The following CLIP4 variants were observed in gnomAD, a reference collection of about 807,000 sequenced individuals.
The protein encoded by CLIP4 is CAP-Gly domain-containing linker protein 4.
A neutral mutation model predicts 73.1 loss-of-function variants in CLIP4; 47 were observed. That is an observed-to-expected ratio of 0.64 (90% CI 0.51 to 0.82). The LOEUF is 0.82. Ranked by LOEUF, CLIP4 falls within the 40% of genes least tolerant of loss-of-function variation. CLIP4 has a pLI of 0.00. For synonymous variants in CLIP4, 306 were observed against 295.4 expected (o/e 1.04, Z -0.37); for missense variants, 874 against 852.9 (o/e 1.02, Z -0.31).
In CLIP4 at chr2:29,144,540, T is replaced by A. The variant is rs1295998130; in HGVS notation, c.885+595T>A. 7.2e-5 allele frequency among the ~76,000 whole-genome samples: 11 copies of A among 152,254 alleles called. No homozygotes were observed. In the East Asian group the frequency reaches 7.7e-4, roughly 11 times the overall value. On this transcript the variant is annotated intron_variant, in intron 7 of 15. Coordinates refer to ENST00000320081, the MANE Select transcript of CLIP4 (RefSeq NM_024692.6). ...GAGGTTTTCTTGTTTTTTCTTTTTT[T>A]AATTATTTTATTATACTTTAAGTTC...
chr2:29,140,721 C>G (rs2147983022), intron 6 of CLIP4, among the ~76,000 whole-genome samples: 1 of 152,288 alleles, frequency 6.6e-6, no homozygotes, highest in East Asian at 1.9e-4. Context: ...TCCTGTTTCT[C>G]CACATCCTCT....
intron 2 of CLIP4, among the ~76,000 whole-genome samples, chr2:29,128,498 GAC>G (rs556445428): frequency 2.0e-3 from 300 of 151,318 alleles, no homozygotes; most frequent in Non-Finnish European, 3.5e-3. Context: ...CTTAATCAAA[GAC>G]AGCACGAAGC....
At chr2:29,107,377 T>TGTTTTTTTTG in intron 1 of CLIP4, among the ~76,000 whole-genome samples, 1 of 129,314 alleles carries the variant, frequency 7.7e-6, no homozygotes, top group Admixed American at 7.8e-5. Context: ...TTTTTTTTTT[T>TGTTTTTTTTG]TTTTTTTTTT....
intron 2 of CLIP4, 87 bp from the exon 3 acceptor site, chr2:29,131,171 T>C: frequency 8.7e-7 from 1 of 1,155,974 alleles, no homozygotes. Context: ...ATTTGTATCA[T>C]TTGAACCTTG....
intron 8 of CLIP4, among the ~76,000 whole-genome samples, chr2:29,150,480 A>G (rs1301745712): frequency 1.3e-5 from 2 of 152,152 alleles, no homozygotes; most frequent in African/African-American, 4.8e-5. Flanking sequence ...TTATTATGAC[A>G]TTAATGACAC....
intron 1 of CLIP4, among the ~76,000 whole-genome samples, chr2:29,103,354 A>G (rs1290440431): frequency 1.3e-5 from 2 of 151,858 alleles, no homozygotes; most frequent in Non-Finnish European, 2.9e-5. Flanking sequence ...ATTTTCTCTG[A>G]TCTCCTTTTT....
At position 29,156,452 on chromosome 2, in the gene CLIP4, C is replaced by T. The variant is rs764009522; in HGVS notation, c.1255+9C>T. On this transcript the variant is annotated intron_variant, in intron 10 of 15. Coordinates refer to ENST00000320081, the MANE Select transcript of CLIP4 (RefSeq NM_024692.6). ...TGTGACAGAGAAAGATGGTAATATA[C>T]CTTGTAACCTCTGTTTCTCAAAATT... 5.2e-6 allele frequency: 8 copies of T among 1,524,008 alleles called. No homozygotes were observed. The South Asian group carries it at 8.7e-5, about 17-fold the overall frequency. 94.4% of individuals were successfully genotyped at this position (1,524,008 alleles called of 1,614,324 possible). A position where few individuals can be genotyped will look rare whatever the true frequency, so the allele number is the denominator to read the frequency against.
At chr2:29,109,572 T>C (rs1259622192) in intron 1 of CLIP4, among the ~76,000 whole-genome samples, 1 of 152,168 alleles carries the variant, frequency 6.6e-6, no homozygotes, top group Non-Finnish European at 1.5e-5. Context: ...TTAACTATAG[T>C]TATCCTACAG....
At chr2:29,116,015 C>G (rs973101394) in intron 1 of CLIP4, among the ~76,000 whole-genome samples, 2 of 152,204 alleles carry the variant, frequency 1.3e-5, no homozygotes, top group Non-Finnish European at 2.9e-5. Context: ...CCCCGAGAGT[C>G]CCCGCACGCG....
At chr2:29,143,034 A>G (rs1665881210) in intron 6 of CLIP4, among the ~76,000 whole-genome samples, 1 of 152,228 alleles carries the variant, frequency 6.6e-6, no homozygotes, top group South Asian at 2.1e-4. Flanking sequence ...AGTAGTATCA[A>G]AACCATAGTT....
At chr2:29,164,358 A>G (rs1215362708) in intron 13 of CLIP4, among the ~76,000 whole-genome samples, 1 of 152,202 alleles carries the variant, frequency 6.6e-6, no homozygotes, top group Non-Finnish European at 1.5e-5. Flanking sequence ...ACCTAATGGA[A>G]CCAAAATGGC....
intron 1 of CLIP4, among the ~76,000 whole-genome samples, chr2:29,107,724 G>T (rs184234515): frequency 4.8e-4 from 73 of 152,004 alleles, no homozygotes; most frequent in Non-Finnish European, 1.3e-4. Context: ...TGCCCAGGCT[G>T]GAGTGCAGTG....
intron 1 of CLIP4, among the ~76,000 whole-genome samples, chr2:29,099,518 G>A (rs11888120): frequency 0.22 from 32,823 of 152,072 alleles, 3,681 homozygotes; most frequent in South Asian, 0.25. Flanking sequence ...CTATATTTGA[G>A]TGAGTATATT....
intron 10 of CLIP4, among the ~76,000 whole-genome samples, chr2:29,156,816 T>C (rs1439087062): frequency 1.3e-5 from 2 of 152,146 alleles, no homozygotes; most frequent in African/African-American, 4.8e-5. Flanking sequence ...TCAAAATGTC[T>C]TAATATTAAA....
chr2:29,101,430 G>A (rs1490798308), intron 1 of CLIP4, among the ~76,000 whole-genome samples: 4 of 152,114 alleles, frequency 2.6e-5, no homozygotes, highest in African/African-American at 4.8e-5. Context: ...AGAAAATGGA[G>A]TCTAATGTTC....
At chr2:29,116,115 C>CAAAGCT in intron 1 of CLIP4, among the ~76,000 whole-genome samples, 1 of 152,228 alleles carries the variant, frequency 6.6e-6, no homozygotes. Context: ...AGTGGGTCTT[C>CAAAGCT]AAAGCTAAAC....
At chr2:29,127,559 A>G (rs774699168) in intron 2 of CLIP4, among the ~76,000 whole-genome samples, 11 of 152,192 alleles carry the variant, frequency 7.2e-5, no homozygotes, top group Admixed American at 1.3e-4. Flanking sequence ...TTTCAAAGAC[A>G]TAAAAATTAT....
intron 9 of CLIP4, among the ~76,000 whole-genome samples, 173 bp from the exon 10 acceptor site, chr2:29,156,181 C>G (rs538165063): frequency 1.8e-4 from 28 of 152,248 alleles, no homozygotes; most frequent in Non-Finnish European, 3.8e-4. Context: ...GTCTCCTTCT[C>G]GTATGCTAGT....
At chr2:29,152,162 G>A (rs1158723563) in intron 8 of CLIP4, among the ~76,000 whole-genome samples, 1 of 152,126 alleles carries the variant, frequency 6.6e-6, no homozygotes, top group Non-Finnish European at 1.5e-5. Flanking sequence ...AGAGAGATAA[G>A]AAAGACATGG....
Sources: allele counts gnomAD v4.1 joint callset (sites outside exome capture counted in the v4.1 genomes callset), GRCh38; gene constraint gnomAD v4.1.1; transcripts MANE v1.5; gene names NCBI Gene and HGNC (gene_info 2026-07-23, HGNC 2026-07-21).